PPP4R3B: variants seen among roughly 807,000 people sequenced by gnomAD.
The protein encoded by PPP4R3B is protein phosphatase 4 regulatory subunit 3B.
PPP4R3B carries 52 observed loss-of-function variants against 95.4 expected under a neutral mutation model. The ratio of observed to expected loss-of-function variants is 0.54; its 90% CI spans 0.44 to 0.69. PPP4R3B has a LOEUF of 0.69. Among genes scored for constraint, PPP4R3B ranks in the 30% least tolerant of loss-of-function variants. The probability of loss-of-function intolerance (pLI) is 0.00; values close to 1 mark genes in which losing one functional copy is unlikely to be tolerated. For missense variants in PPP4R3B, 1,003 were observed against 1,005.9 expected, an observed-to-expected ratio of 1.00 and a Z score of 0.04; for synonymous variants, 407 against 343.9, an observed-to-expected ratio of 1.18 and a Z score of -2.03.
intron 4 of PPP4R3B, chr2:55,591,553 A>C (rs1426415810): frequency 1.0e-6 from 1 of 984,506 alleles, no homozygotes; most frequent in Non-Finnish European, 1.2e-6. Context: ...TCTGTTGTAG[A>C]TTACATCTTC....
At chr2:55,553,008 C>A (rs1289058047) in intron 16 of PPP4R3B, among the ~76,000 whole-genome samples, 1 of 152,160 alleles carries the variant, frequency 6.6e-6, no homozygotes, top group East Asian at 1.9e-4. Context: ...GTAAAACAGA[C>A]AACTGGGTCA....
chr2:55,612,972 A>G (rs1559062395), intron 2 of PPP4R3B, among the ~76,000 whole-genome samples: 1 of 151,724 alleles, frequency 6.6e-6, no homozygotes, highest in Admixed American at 6.6e-5. Context: ...TTAGTCAAGC[A>G]TGGTGGCTCA....
At chr2:55,617,006 T>C (rs1695045233) in intron 1 of PPP4R3B, 138 bp downstream of exon 1, 1 of 927,204 alleles carries the variant, frequency 1.1e-6, no homozygotes, top group Non-Finnish European at 1.6e-6. Context: ...TACTTTGTTT[T>C]TGCCGTACAC....
chr2:55,568,602 TAAC>T (rs533347598), intron 12 of PPP4R3B, among the ~76,000 whole-genome samples: 16 of 152,228 alleles, frequency 1.1e-4, no homozygotes, highest in African/African-American at 2.4e-4. Flanking sequence ...TAGCCAGAAC[TAAC>T]AACAACAACA....
In PPP4R3B at chr2:55,548,641, CACATT is replaced by C. The variant is rs1244771292; in HGVS notation, c.*1265_*1269del. 6.6e-6 allele frequency: 1 copy of C among 152,528 alleles called. No individual in the cohort carries two copies. The highest frequency in any genetic ancestry group is 2.4e-5 in the African/African-American group (1 of 41,446). 9.4% of individuals were successfully genotyped at this position (152,528 alleles called of 1,614,324 possible). On this transcript the variant is annotated 3_prime_UTR_variant, in exon 17 of 17. Coordinates refer to ENST00000616407, the MANE Select transcript of PPP4R3B (RefSeq NM_001122964.3). Reference sequence around the variant, plus strand: ...GATTCCAGGAAAAATGGACCCGTAACACATTACAAGGGTGATCTAAAGATTGTGGC... The same window carrying C: ...GATTCCAGGAAAAATGGACCCGTAACACAAGGGTGATCTAAAGATTGTGGC...
chr2:55,582,062 T>C (rs1201500084), intron 7 of PPP4R3B, among the ~76,000 whole-genome samples: 2 of 152,076 alleles, frequency 1.3e-5, no homozygotes. Flanking sequence ...AATTTAGAGG[T>C]TGACTAAACA....
chr2:55,557,933 A>T (rs1686066296), intron 16 of PPP4R3B, among the ~76,000 whole-genome samples: 1 of 152,156 alleles, frequency 6.6e-6, no homozygotes, highest in Non-Finnish European at 1.5e-5. Flanking sequence ...AGAAAGTCTA[A>T]TATCCTTAAC....
intron 2 of PPP4R3B, among the ~76,000 whole-genome samples, chr2:55,605,282 A>C (rs373838408): frequency 2.4e-4 from 37 of 152,334 alleles, no homozygotes; most frequent in African/African-American, 8.4e-4. Context: ...CCAAAAATAT[A>C]ATCTACAAAA....
chr2:55,594,070 A>G (rs568816270), intron 4 of PPP4R3B, among the ~76,000 whole-genome samples: 121 of 152,334 alleles, frequency 7.9e-4, no homozygotes, highest in South Asian at 3.1e-3. Flanking sequence ...GCAGAAAATC[A>G]TATATCGCAT....
intron 4 of PPP4R3B, among the ~76,000 whole-genome samples, chr2:55,596,240 C>G (rs1386150310): frequency 1.3e-5 from 2 of 152,064 alleles, no homozygotes; most frequent in Non-Finnish European, 2.9e-5. Flanking sequence ...GAGGCCGAAG[C>G]AAATCTGACT....
At chr2:55,593,572 T>G (rs1691330972) in intron 4 of PPP4R3B, among the ~76,000 whole-genome samples, 2 of 152,098 alleles carry the variant, frequency 1.3e-5, no homozygotes. Flanking sequence ...AATTTCTACA[T>G]GGAAATCTCA....
chr2:55,551,570 G>A (rs562145616), intron 16 of PPP4R3B, among the ~76,000 whole-genome samples: 1 of 152,172 alleles, frequency 6.6e-6, no homozygotes, highest in South Asian at 2.1e-4. Flanking sequence ...GACCAACATG[G>A]TGAAACCCCA....
intron 13 of PPP4R3B, 27 bp downstream of exon 13, chr2:55,568,164 TATA>T (rs1184026044): frequency 1.0e-5 from 14 of 1,381,230 alleles, no homozygotes; most frequent in African/African-American, 4.5e-5. Context: ...TATAATTACA[TATA>T]ATAACAGCTG....
In PPP4R3B at chr2:55,578,228, C is replaced by A. The variant is rs1245472635; in HGVS notation, c.1564+19G>T. 7.2e-7 allele frequency: 1 copy of A among 1,390,700 alleles called. No homozygotes were observed. Among genetic ancestry groups the A allele is most frequent in the Non-Finnish European group, 9.3e-7 (1 of 1,070,034 alleles). 86.1% of individuals were successfully genotyped at this position (1,390,700 alleles called of 1,614,324 possible). On this transcript the variant is annotated intron_variant, in intron 10 of 16. Coordinates refer to ENST00000616407, the MANE Select transcript of PPP4R3B (RefSeq NM_001122964.3). ...AACATAAGTAAATATAGGAGTGATACACTCCAAATTCAGCATACCTTGAGA... is the reference window on the plus strand; with the variant it reads ...AACATAAGTAAATATAGGAGTGATAAACTCCAAATTCAGCATACCTTGAGA...
intron 4 of PPP4R3B, 137 bp from the exon 5 acceptor site, chr2:55,589,093 T>C (rs1690594246): frequency 3.5e-6 from 2 of 563,990 alleles, no homozygotes; most frequent in Admixed American, 3.2e-5. Context: ...GGGGTGTATT[T>C]CTGTGTTACA....
chr2:55,604,575 C>G (rs545584647), intron 2 of PPP4R3B, among the ~76,000 whole-genome samples: 1 of 151,680 alleles, frequency 6.6e-6, no homozygotes, highest in East Asian at 1.9e-4. Context: ...AATGTAACAC[C>G]ATGGTGAAAC....
At position 55,564,964 on chromosome 2, in the gene PPP4R3B, T is replaced by A; in HGVS notation, c.2013A>T (p.Thr671=). Reference sequence around the variant, plus strand: ...CATATTTAGTCTTCAATCCTTTGAATGTCTGAACATATTCAATCGATTCAA... The same window carrying A: ...CATATTTAGTCTTCAATCCTTTGAAAGTCTGAACATATTCAATCGATTCAA... ...KALESIEYVQ[T]FKGLKTKYEQ... Residue 671 remains threonine (T), a synonymous_variant, in exon 14 of 17, where the codon ACA becomes ACT. Transcript: ENST00000616407. 9 of 1,610,920 alleles carry A rather than the reference T, an allele frequency of 5.6e-6. No homozygotes were observed. Among genetic ancestry groups the A allele is most frequent in the Non-Finnish European group, 7.6e-6 (9 of 1,178,818 alleles).
In PPP4R3B at chr2:55,568,776, T is replaced by A. The variant is rs182560324; in HGVS notation, c.1766-413A>T. Among the ~76,000 whole-genome samples the A allele has an allele frequency of 1.1e-3, 173 of 152,306 alleles. 2 individuals carry two copies. The Middle Eastern group carries it at 0.024, about 21-fold the overall frequency. Reference sequence around the variant, plus strand: ...ACAACGCAGTGAAGGCAGCTCAGAATCAGTGGGGGCACTGTCATTAAGGTG... The same window carrying A: ...ACAACGCAGTGAAGGCAGCTCAGAAACAGTGGGGGCACTGTCATTAAGGTG... On this transcript the variant is annotated intron_variant, in intron 12 of 16. Coordinates refer to ENST00000616407, the MANE Select transcript of PPP4R3B (RefSeq NM_001122964.3).
Position 55,617,203 on chromosome 2 carries a change from G to A in PPP4R3B, c.83C>T (p.Ser28Phe), listed in dbSNP as rs990167779. The stretch of plus-strand genomic sequence containing the variant: ...CTTGAGCTCCTCCACGTAAGTGGAG[G>A]AGACGTGCCCGGTGCCTCGGTCGTC... The part of the protein sequence containing the change: ...QWDDRGTGHV[S>F]STYVEELKGM... Residue 28 changes from serine (S) to phenylalanine (F), a missense_variant, in exon 1 of 17, where the codon TCC (serine) becomes TTC (phenylalanine). This residue lies in a region of PPP4R3B where 695 missense variants were observed against 686.2 expected (regional missense o/e 1.01). Transcript: ENST00000616407. The A allele has an allele frequency of 1.2e-6, 2 of 1,613,922 alleles. No individual in the cohort carries two copies. Among genetic ancestry groups the A allele is most frequent in the African/African-American group, 1.3e-5 (1 of 74,914 alleles).
Sources: allele counts gnomAD v4.1 joint callset (sites outside exome capture counted in the v4.1 genomes callset), GRCh38; gene constraint gnomAD v4.1.1; regional missense constraint gnomAD v4.1.1; transcripts MANE v1.5; gene names NCBI Gene and HGNC (gene_info 2026-07-23, HGNC 2026-07-21).